The following PCDH15 variants were observed in gnomAD, a reference collection of about 807,000 sequenced individuals.
PCDH15 encodes the protein protocadherin related 15.
In PCDH15, 129 loss-of-function variants were observed where a neutral mutation model predicts 178.5. That is an observed-to-expected ratio of 0.72 (90% CI 0.63 to 0.84). The LOEUF (loss-of-function observed/expected upper bound fraction) is 0.84. Among genes scored for constraint, PCDH15 ranks in the 40% least tolerant of loss-of-function variants. The pLI is 0.00. For synonymous variants in PCDH15, 800 were observed against 732.0 expected, an observed-to-expected ratio of 1.09 and a Z score of -1.50; for missense variants, 2,230 against 2,099.9, an observed-to-expected ratio of 1.06 and a Z score of -1.21.
intron 25 of PCDH15, among the ~76,000 whole-genome samples, chr10:53,924,116 T>C (rs974329012): frequency 3.3e-5 from 5 of 152,254 alleles, no homozygotes; most frequent in Admixed American, 3.3e-4. Context: ...GGCTGCACTG[T>C]GGGAGCCCCT....
At position 54,150,770 on chromosome 10, in the gene PCDH15, TTTTA is replaced by T. The variant is rs139140503; in HGVS notation, c.1784+2326_1784+2329del. On this transcript the variant is annotated intron_variant, in intron 14 of 37. Transcript: ENST00000644397. ...AATTATTTTGGGGGATTTCTTGTGT[TTTTA>T]TTTGTTTCTTTTATGAAGTATTATG... Among the ~76,000 whole-genome samples, 649 of 152,188 alleles carry T rather than the reference TTTTA, an allele frequency of 4.3e-3. 5 individuals are homozygous for T. The highest frequency in any genetic ancestry group is 0.02 in the Middle Eastern group (6 of 294).
At chr10:54,056,041 C>T (rs2093879013) in intron 18 of PCDH15, among the ~76,000 whole-genome samples, 1 of 152,142 alleles carries the variant, frequency 6.6e-6, no homozygotes, top group Non-Finnish European at 1.5e-5. Context: ...CCAGGAAATC[C>T]TTCAATTCTC....
chr10:54,960,459 C>T (rs1406049310), intron 2 of PCDH15, among the ~76,000 whole-genome samples: 5 of 152,130 alleles, frequency 3.3e-5, no homozygotes, highest in Non-Finnish European at 5.9e-5. Context: ...TGCCTATAGG[C>T]ACACTACCTC....
intron 2 of PCDH15, among the ~76,000 whole-genome samples, chr10:54,557,929 C>T (rs2087520174): frequency 6.6e-6 from 1 of 152,036 alleles, no homozygotes; most frequent in Non-Finnish European, 1.5e-5. Flanking sequence ...CTGTTAGTAT[C>T]TGTCTGTGAT....
At chr10:54,015,362 A>G (rs2135218077) in intron 20 of PCDH15, among the ~76,000 whole-genome samples, 1 of 146,376 alleles carries the variant, frequency 6.8e-6, no homozygotes. Flanking sequence ...TGCTATTCCT[A>G]TTAAACTACC....
At chr10:54,675,635 C>T (rs2094772400) in intron 1 of PCDH15, among the ~76,000 whole-genome samples, 1 of 152,090 alleles carries the variant, frequency 6.6e-6, no homozygotes, top group African/African-American at 2.4e-5. Context: ...CAAGTCACTT[C>T]CTCCCCCAAG....
intron 3 of PCDH15, among the ~76,000 whole-genome samples, chr10:54,515,597 T>C (rs577029258): frequency 1.3e-5 from 2 of 152,344 alleles, no homozygotes; most frequent in South Asian, 4.1e-4. Context: ...CTCTGCAGAC[T>C]TAAACGTCCT....
intron 2 of PCDH15, among the ~76,000 whole-genome samples, chr10:54,944,432 G>A (rs767019630): frequency 7.9e-5 from 12 of 151,880 alleles, no homozygotes; most frequent in Non-Finnish European, 1.3e-4. Context: ...AAGGGATGTG[G>A]CATGGTTGAG....
In PCDH15 at chr10:53,866,759, A is replaced by G. The variant is rs768989856; in HGVS notation, c.3600T>C (p.Tyr1200=). The G allele has an allele frequency of 5.0e-6, 8 of 1,613,234 alleles. No homozygotes were observed. The highest frequency in any genetic ancestry group is 1.7e-5 in the Admixed American group (1 of 59,972). ...GCATAGCAGTTTTGATAAGCCCTGTATATGTTTCCACTACAAATCCTTCTT... is the reference window on the plus strand; with the variant it reads ...GCATAGCAGTTTTGATAAGCCCTGTGTATGTTTCCACTACAAATCCTTCTT... ...EGKEGFVVET[Y]TGLIKTAMLF... is the part of the protein sequence containing the mutation. The change falls in exon 27 of 38, where the codon TAT becomes TAC. Residue 1200 remains tyrosine (Y), a synonymous_variant. Coordinates refer to ENST00000644397, the MANE Select transcript of PCDH15 (RefSeq NM_001384140.1).
intron 2 of PCDH15, among the ~76,000 whole-genome samples, chr10:55,148,596 T>C (rs1251099625): frequency 6.6e-6 from 1 of 151,726 alleles, no homozygotes; most frequent in South Asian, 2.1e-4. Flanking sequence ...AAATTTAACC[T>C]TTCAGATCTA....
At chr10:55,537,782 T>G (rs1841614152) in intron 2 of PCDH15, among the ~76,000 whole-genome samples, 1 of 152,180 alleles carries the variant, frequency 6.6e-6, no homozygotes, top group Non-Finnish European at 1.5e-5. Context: ...ATGTCTCTCC[T>G]GACCCTGTAA....
intron 6 of PCDH15, among the ~76,000 whole-genome samples, chr10:54,333,661 A>G (rs956667302): frequency 6.6e-6 from 1 of 152,156 alleles, no homozygotes; most frequent in African/African-American, 2.4e-5. Context: ...AATACTTAGA[A>G]CATTCTTAAA....
chr10:53,994,719 T>G (rs2091740017), intron 21 of PCDH15: 1 of 152,240 alleles, frequency 6.6e-6, no homozygotes, highest in South Asian at 2.1e-4. Context: ...CCCACCACTT[T>G]CATATTAACA....
intron 23 of PCDH15, among the ~76,000 whole-genome samples, chr10:53,959,172 A>G (rs906970232): frequency 6.8e-6 from 1 of 147,928 alleles, no homozygotes; most frequent in East Asian, 1.9e-4. Flanking sequence ...ATGTGTATAT[A>G]TAGTGTGTAT....
intron 6 of PCDH15, among the ~76,000 whole-genome samples, chr10:54,338,689 A>T (rs1454603984): frequency 6.6e-6 from 1 of 152,206 alleles, no homozygotes; most frequent in Admixed American, 6.5e-5. Context: ...CTGCTTATGC[A>T]TATTGCTTAA....
At chr10:55,265,931 A>C (rs954514716) in intron 1 of PCDH15, among the ~76,000 whole-genome samples, 3 of 152,114 alleles carry the variant, frequency 2.0e-5, no homozygotes, top group African/African-American at 7.2e-5. Flanking sequence ...ATGCAGACCC[A>C]AGAAAGAGGC....
intron 2 of PCDH15, among the ~76,000 whole-genome samples, chr10:55,084,327 A>G (rs939129525): frequency 2.6e-5 from 4 of 151,912 alleles, no homozygotes; most frequent in Non-Finnish European, 5.9e-5. Context: ...TTGGGGAGAG[A>G]ACAGTCTCTT....
intron 2 of PCDH15, among the ~76,000 whole-genome samples, chr10:55,136,981 T>G (rs544662114): frequency 9.2e-5 from 14 of 152,212 alleles, no homozygotes; most frequent in African/African-American, 3.4e-4. Flanking sequence ...GTATTAACTA[T>G]ATTTGTGAGA....
Position 55,580,366 on chromosome 10 carries a change from T to TA in PCDH15, c.-156+47258_-156+47259insT, listed in dbSNP as rs1842589909. 3.3e-5 allele frequency among the ~76,000 whole-genome samples: 5 copies of TA among 150,550 alleles called. No individual in the cohort carries two copies. The South Asian group carries it at 8.3e-4, about 25-fold the overall frequency. On this transcript the variant is annotated intron_variant, in intron 2 of 5. Coordinates refer to the PCDH15 transcript ENST00000613346. Reference sequence around the variant, plus strand: ...TCATTTTTTTTATTTTTTTATTTTTTTTTTTTTTTGAGACGAAGTCTCATT... The same window carrying TA: ...TCATTTTTTTTATTTTTTTATTTTTTATTTTTTTTTGAGACGAAGTCTCATT...
Sources: gnomAD v4.1 joint callset for allele counts (sites outside exome capture counted in the v4.1 genomes callset) on GRCh38, gnomAD v4.1.1 for gene constraint, MANE v1.5 for transcripts, NCBI Gene and HGNC (gene_info 2026-07-23, HGNC 2026-07-21) for gene names.